SPPL3: variants seen among roughly 807,000 people sequenced by gnomAD.
The protein encoded by SPPL3 is signal peptide peptidase-like 3.
Under a neutral mutation model 42.4 loss-of-function variants are expected in SPPL3, and 5 were observed. The ratio of observed to expected loss-of-function variants is 0.12; its 90% CI spans 0.06 to 0.25. The LOEUF is 0.25. Ranked by LOEUF, SPPL3 falls within the 10% of genes least tolerant of loss-of-function variation. The pLI is 1.00. For missense variants in SPPL3, 235 were observed against 489.0 expected, an observed-to-expected ratio of 0.48 and a Z score of 4.90; for synonymous variants, 195 against 181.8, an observed-to-expected ratio of 1.07 and a Z score of -0.58.
At chr12:120,773,879 C>T (rs1459505845) in intron 6 of SPPL3, among the ~76,000 whole-genome samples, 1 of 152,244 alleles carries the variant, frequency 6.6e-6, no homozygotes, top group Non-Finnish European at 1.5e-5. Context: ...GCTGGGATTA[C>T]AGGCATGGGC....
chr12:120,873,409 A>G (rs1198808246), intron 1 of SPPL3, among the ~76,000 whole-genome samples: 2 of 152,218 alleles, frequency 1.3e-5, no homozygotes, highest in East Asian at 3.8e-4. Context: ...AAATTTCATA[A>G]TATAATGAAA....
At position 120,766,096 on chromosome 12, in the gene SPPL3, G is replaced by GCACA. The variant is rs1382896432; in HGVS notation, c.1083+166_1083+167insTGTG. On this transcript the variant is annotated intron_variant, in intron 10 of 10. Transcript: ENST00000353487. Reference sequence around the variant, plus strand: ...GTTTGCTAACGCCAGGGTAGCGCGCGCGCGCACACACACACACACACACAC... The same window carrying GCACA: ...GTTTGCTAACGCCAGGGTAGCGCGCGCACACGCGCACACACACACACACACACAC... Among the ~76,000 whole-genome samples the GCACA allele has an allele frequency of 6.6e-5, 6 of 90,802 alleles. No individual in the cohort carries two copies. In the East Asian group the frequency reaches 1.8e-3, roughly 28 times the overall value. 59.6% of individuals were successfully genotyped at this position (90,802 alleles called of 152,430 possible).
At chr12:120,877,821 G>A (rs1251996538) in intron 1 of SPPL3, among the ~76,000 whole-genome samples, 2 of 148,674 alleles carry the variant, frequency 1.3e-5, no homozygotes, top group Admixed American at 1.4e-4. Context: ...AGCATAACAC[G>A]TTATGATTTC....
At chr12:120,826,003 C>T (rs1871221299) in intron 1 of SPPL3, among the ~76,000 whole-genome samples, 1 of 97,422 alleles carries the variant, frequency 1.0e-5, no homozygotes, top group African/African-American at 2.8e-5. Context: ...GAAAGCAGGG[C>T]AAGAGTTAGG....
intron 1 of SPPL3, among the ~76,000 whole-genome samples, chr12:120,827,347 A>AATAAT (rs1555250798): frequency 1.0e-5 from 1 of 97,120 alleles, no homozygotes; most frequent in Non-Finnish European, 2.2e-5. Flanking sequence ...TAATAATAAT[A>AATAAT]ATAATAATAT....
intron 6 of SPPL3, among the ~76,000 whole-genome samples, chr12:120,772,614 T>A (rs1869164195): frequency 6.6e-6 from 1 of 152,220 alleles, no homozygotes; most frequent in Non-Finnish European, 1.5e-5. Flanking sequence ...ATATATTTCA[T>A]TTTCATAGAA....
intron 1 of SPPL3, among the ~76,000 whole-genome samples, chr12:120,889,759 T>G (rs1446374374): frequency 2.0e-5 from 3 of 152,144 alleles, no homozygotes; most frequent in Non-Finnish European, 2.9e-5. Context: ...ATTCTCCCAC[T>G]GTGTTATGAA....
intron 1 of SPPL3, among the ~76,000 whole-genome samples, chr12:120,861,397 A>AG (rs1872614932): frequency 6.6e-6 from 1 of 152,268 alleles, no homozygotes; most frequent in Admixed American, 6.5e-5. Context: ...ATTCTCCAAA[A>AG]GGACAGATCC....
intron 1 of SPPL3, among the ~76,000 whole-genome samples, chr12:120,864,986 C>T (rs1872718020): frequency 6.6e-6 from 1 of 152,134 alleles, no homozygotes; most frequent in Admixed American, 6.5e-5. Flanking sequence ...CGCTTAGGCA[C>T]CAGCAGTACC....
At chr12:120,863,923 C>A (rs906990351) in intron 1 of SPPL3, among the ~76,000 whole-genome samples, 2 of 151,778 alleles carry the variant, frequency 1.3e-5, no homozygotes, top group African/African-American at 2.4e-5. Flanking sequence ...AGCAATCCTC[C>A]CACCTTGGCC....
At chr12:120,836,195 C>T (rs1871612912) in intron 1 of SPPL3, among the ~76,000 whole-genome samples, 1 of 151,894 alleles carries the variant, frequency 6.6e-6, no homozygotes, top group Admixed American at 6.6e-5. Flanking sequence ...TCTATTTCCC[C>T]TCCCCTTGAA....
chr12:120,873,743 G>A (rs1872997028), intron 1 of SPPL3, among the ~76,000 whole-genome samples: 1 of 151,970 alleles, frequency 6.6e-6, no homozygotes, highest in Admixed American at 6.6e-5. Context: ...GTGGTGGCAC[G>A]TGCCTGTAAT....
intron 2 of SPPL3, among the ~76,000 whole-genome samples, chr12:120,804,373 A>G (rs1018060750): frequency 6.6e-6 from 1 of 152,174 alleles, no homozygotes; most frequent in East Asian, 1.9e-4. Flanking sequence ...TTTTCACAAT[A>G]AAGAAAGAAC....
chr12:120,819,585 G>A (rs1870986142), intron 1 of SPPL3, among the ~76,000 whole-genome samples: 1 of 152,060 alleles, frequency 6.6e-6, no homozygotes, highest in Admixed American at 6.5e-5. Context: ...ATTCTTTCAA[G>A]TAAAAATGGT....
intron 2 of SPPL3, among the ~76,000 whole-genome samples, chr12:120,807,674 CAAAAAAAA>C (rs10706063): frequency 0.029 from 3,712 of 126,484 alleles, 75 homozygotes; most frequent in Middle Eastern, 0.055. Context: ...AACTCCGACT[CAAAAAAAA>C]AAAAAGAAAA....
chr12:120,879,265 A>G (rs530548958), intron 1 of SPPL3, among the ~76,000 whole-genome samples: 3 of 152,244 alleles, frequency 2.0e-5, no homozygotes, highest in East Asian at 3.8e-4. Context: ...TCATCACAGC[A>G]GACTTTGAAG....
Position 120,841,313 on chromosome 12 carries a change from G to A in SPPL3, c.24-30427C>T, listed in dbSNP as rs1346862477. On this transcript the variant is annotated intron_variant, in intron 1 of 10. Transcript: ENST00000353487. ...GAACTCCAGCCTGGGCAACAAGAGC[G>A]AAACTCCATCTCAGAAAAAAAAAGA... 3.3e-5 allele frequency among the ~76,000 whole-genome samples: 5 copies of A among 151,774 alleles called. No homozygotes were observed. In the East Asian group the frequency reaches 5.8e-4, roughly 18 times the overall value.
intron 1 of SPPL3, among the ~76,000 whole-genome samples, chr12:120,823,819 C>A (rs1375374519): frequency 2.6e-5 from 4 of 152,108 alleles, no homozygotes; most frequent in African/African-American, 9.7e-5. Context: ...GGTGAATTAA[C>A]CTATTTGTTT....
At chr12:120,781,493 T>C (rs1452468335) in intron 6 of SPPL3, among the ~76,000 whole-genome samples, 4 of 149,912 alleles carry the variant, frequency 2.7e-5, no homozygotes, top group Middle Eastern at 3.5e-3. Context: ...ATACTACATA[T>C]ATAATATAGA....
Sources: gnomAD v4.1 joint callset for allele counts (sites outside exome capture counted in the v4.1 genomes callset) on GRCh38, gnomAD v4.1.1 for gene constraint, MANE v1.5 for transcripts, NCBI Gene and HGNC (gene_info 2026-07-23, HGNC 2026-07-21) for gene names.